Variants in USP39 observed in about 807,000 individuals in gnomAD.
The protein encoded by USP39 is ubiquitin specific peptidase 39, also known as ubiquitin carboxyl-terminal hydrolase 39.
Under a neutral mutation model 66.4 loss-of-function variants are expected in USP39, and 38 were observed. That is an observed-to-expected ratio of 0.57 (90% CI 0.44 to 0.75). The LOEUF (loss-of-function observed/expected upper bound fraction) is 0.75. Ranked by LOEUF, USP39 falls within the 30% of genes least tolerant of loss-of-function variation. USP39 has a pLI of 0.00. For missense variants in USP39, 608 were observed against 714.4 expected (o/e 0.85, Z 1.70); for synonymous variants, 303 against 274.6 (o/e 1.10, Z -1.02).
chr2:85,616,116 A>G (rs571715427), upstream of USP39: 382 of 1,373,080 alleles, frequency 2.8e-4, no homozygotes, highest in African/African-American at 5.4e-3. Context: ...GCTCGCTACC[A>G]GCCCCTCTCC....
chr2:85,619,896 C>G (rs889836782), intron 2 of USP39, among the ~76,000 whole-genome samples: 1 of 151,814 alleles, frequency 6.6e-6, no homozygotes, highest in Non-Finnish European at 1.5e-5. Flanking sequence ...TTTTTGTCCC[C>G]CAGGCTGGAG....
chr2:85,617,987 C>G (rs1391261677), intron 1 of USP39, among the ~76,000 whole-genome samples: 2 of 147,956 alleles, frequency 1.4e-5, no homozygotes, highest in Non-Finnish European at 3.0e-5. Context: ...CAGTTTCACT[C>G]TTGTTGTCCA....
chr2:85,638,802 G>A (rs1676001063), intron 8 of USP39, among the ~76,000 whole-genome samples: 1 of 150,694 alleles, frequency 6.6e-6, no homozygotes, highest in African/African-American at 2.4e-5. Context: ...CTCCCAAAGT[G>A]CTGGGATTAC....
intron 10 of USP39, among the ~76,000 whole-genome samples, chr2:85,643,779 G>A (rs1676432791): frequency 6.6e-6 from 1 of 151,656 alleles, no homozygotes; most frequent in Non-Finnish European, 1.5e-5. Flanking sequence ...TCCGGAATAG[G>A]TGGGACTACA....
chr2:85,612,201 G>A (rs1001300566), upstream of USP39: 1 of 1,108,178 alleles, frequency 9.0e-7, no homozygotes, highest in Non-Finnish European at 1.3e-6. Flanking sequence ...CCCCCGGACG[G>A]AGGGCTTTTG....
At chr2:85,637,781 C>T (rs1201872798) in intron 8 of USP39, among the ~76,000 whole-genome samples, 3 of 152,184 alleles carry the variant, frequency 2.0e-5, no homozygotes, top group Admixed American at 6.5e-5. Context: ...ACTGCAACCT[C>T]TACCTCCTGG....
chr2:85,623,440 A>G (rs1674615547), intron 3 of USP39, among the ~76,000 whole-genome samples: 1 of 151,856 alleles, frequency 6.6e-6, no homozygotes, highest in South Asian at 2.1e-4. Context: ...GGCCATTTAG[A>G]GAATGAAGTA....
chr2:85,612,223 T>TG (rs1673607712), upstream of USP39: 1 of 1,300,692 alleles, frequency 7.7e-7, no homozygotes, highest in Middle Eastern at 1.8e-4. Context: ...TTTTGTTTTT[T>TG]TTTGTTTGTT....
At chr2:85,608,967 G>A, upstream of USP39, 1 of 1,614,236 alleles carries the variant, frequency 6.2e-7, no homozygotes, top group Non-Finnish European at 8.5e-7. Context: ...CTGGCGCTTT[G>A]CAATCTCCTC....
At chr2:85,641,748 C>CA (rs1314238181) in intron 10 of USP39, among the ~76,000 whole-genome samples, 1 of 151,298 alleles carries the variant, frequency 6.6e-6, no homozygotes, top group Admixed American at 6.6e-5. Flanking sequence ...CAAAAAAATA[C>CA]AAAAAATTAG....
At position 85,625,416 on chromosome 2, in the gene USP39, A is replaced by G. The variant is rs141500179; in HGVS notation, c.571-123A>G. On this transcript the variant is annotated intron_variant, in intron 4 of 12. Transcript: ENST00000323701. ...ATCTTTACACCTACTGGTTCGGACT[A>G]TTTTTCTGTGTGTGGTGGGATGTTC... The G allele has an allele frequency of 2.8e-4, 364 of 1,300,156 alleles. 2 individuals are homozygous for G. The highest frequency in any genetic ancestry group is 2.3e-3 in the South Asian group (184 of 80,846). The allele number at this position is 1,300,156 out of a possible 1,614,324, so 80.5% of individuals were successfully genotyped here.
chr2:85,630,800 A>G lies in USP39; in HGVS notation c.803A>G (p.Asp268Gly). ...AAGAACATCAAACGTCCTCCAGGGG[A>G]TATCATGTTCTTGTTGGTCCAGCGT... is the stretch of plus-strand genomic sequence containing the variant. ...NYKNIKRPPG[D>G]IMFLLVQRFG... The change falls in exon 6 of 13, where the codon GAT (aspartate) becomes GGT (glycine). Residue 268 changes from aspartate (D) to glycine (G), a missense_variant. Transcript: ENST00000323701. 6.2e-7 allele frequency: 1 copy of G among 1,614,148 alleles called. No homozygotes were observed. The highest frequency in any genetic ancestry group is 1.7e-5 in the Admixed American group (1 of 60,008).
At chr2:85,634,687 A>G (rs1573431685) in intron 6 of USP39, among the ~76,000 whole-genome samples, 2 of 152,206 alleles carry the variant, frequency 1.3e-5, no homozygotes, top group Admixed American at 6.5e-5. Context: ...TTGTGTTTAT[A>G]GAGACATTTC....
chr2:85,608,981 G>C, upstream of USP39: 1 of 1,614,244 alleles, frequency 6.2e-7, no homozygotes, highest in Non-Finnish European at 8.5e-7. Context: ...TCTCCTCCTG[G>C]ATACGCAACT....
At chr2:85,603,294 A>G (rs1225209485) in intron 1 of USP39, 1 of 152,230 alleles carries the variant, frequency 6.6e-6, no homozygotes, top group African/African-American at 2.4e-5. Flanking sequence ...CAAGTACACA[A>G]TGTACTAGCC....
At chr2:85,625,820 C>T (rs1674810257) in intron 5 of USP39, 129 bp downstream of exon 5, 4 of 1,154,146 alleles carry the variant, frequency 3.5e-6, no homozygotes, top group Admixed American at 5.7e-5. Flanking sequence ...AGAGTTTGAG[C>T]CAGCCTGGCC....
chr2:85,623,557 C>G, intron 3 of USP39, 89 bp from the exon 4 acceptor site: 2 of 1,467,002 alleles, frequency 1.4e-6, no homozygotes, highest in South Asian at 1.4e-5. Flanking sequence ...TTAACATGTT[C>G]CGGTAGAAAA....
chr2:85,611,697 T>C, upstream of USP39: 2 of 1,580,920 alleles, frequency 1.3e-6, no homozygotes, highest in Non-Finnish European at 1.7e-6. Context: ...CACCTGCAGG[T>C]CTGGCTTGCG....
At chr2:85,607,803 TC>T (rs1021074313), upstream of USP39, 2 of 152,210 alleles carry the variant, frequency 1.3e-5, no homozygotes, top group African/African-American at 2.4e-5. Flanking sequence ...CCTTGGAACT[TC>T]CGTACTGGAG....
Sources: allele counts gnomAD v4.1 joint callset (sites outside exome capture counted in the v4.1 genomes callset), GRCh38; gene constraint gnomAD v4.1.1; transcripts MANE v1.5; gene names NCBI Gene and HGNC (gene_info 2026-07-23, HGNC 2026-07-21).